The following NRG3 variants were observed in gnomAD, a reference collection of about 807,000 sequenced individuals.
NRG3 encodes the protein neuregulin 3.
A neutral mutation model predicts 66.9 loss-of-function variants in NRG3; 31 were observed. The observed-to-expected ratio is 0.46, with a 90% confidence interval of 0.35 to 0.63. The LOEUF (loss-of-function observed/expected upper bound fraction) is 0.63, where lower values mean the gene tolerates loss of function less well. NRG3 is among the 20% of genes least tolerant of loss of function. The pLI is 0.00. For missense variants in NRG3, 910 were observed against 878.9 expected, an observed-to-expected ratio of 1.04 and a Z score of -0.45; for synonymous variants, 393 against 359.4, an observed-to-expected ratio of 1.09 and a Z score of -1.06.
chr10:81,889,007 A>G (rs1842820054), intron 1 of NRG3, among the ~76,000 whole-genome samples: 3 of 152,188 alleles, frequency 2.0e-5, no homozygotes, highest in South Asian at 2.1e-4. Context: ...GCAAGAAGCA[A>G]TAGAATTGGC....
intron 2 of NRG3, among the ~76,000 whole-genome samples, chr10:82,436,071 A>T (rs2090120724): frequency 6.6e-6 from 1 of 152,110 alleles, no homozygotes; most frequent in South Asian, 2.1e-4. Context: ...TCCAGAGCTG[A>T]GTTCAAGTCA....
At chr10:82,579,295 A>G (rs1039976012) in intron 2 of NRG3, among the ~76,000 whole-genome samples, 1 of 151,938 alleles carries the variant, frequency 6.6e-6, no homozygotes, top group Non-Finnish European at 1.5e-5. Context: ...ATAAATAAAG[A>G]TAATCACCTT....
At chr10:82,278,984 T>C (rs1480031964) in intron 1 of NRG3, among the ~76,000 whole-genome samples, 1 of 152,152 alleles carries the variant, frequency 6.6e-6, no homozygotes, top group Non-Finnish European at 1.5e-5. Context: ...TTTACGATAT[T>C]GCACAGCACA....
chr10:82,959,145 C>G, intron 6 of NRG3, 70 bp downstream of exon 6: 1 of 1,454,432 alleles, frequency 6.9e-7, no homozygotes, highest in African/African-American at 1.4e-5. Flanking sequence ...GTGTTGGGAG[C>G]CTGGGATCAG....
intron 2 of NRG3, among the ~76,000 whole-genome samples, chr10:82,380,350 T>C (rs756697956): frequency 6.6e-6 from 1 of 152,128 alleles, no homozygotes; most frequent in African/African-American, 2.4e-5. Flanking sequence ...ACAAAAAAGG[T>C]AATTAAGTTC....
At chr10:82,176,970 A>G (rs2073086032) in intron 1 of NRG3, among the ~76,000 whole-genome samples, 1 of 151,598 alleles carries the variant, frequency 6.6e-6, no homozygotes, top group Non-Finnish European at 1.5e-5. Flanking sequence ...CCCTAGCTCC[A>G]AGACTCCAAA....
intron 1 of NRG3, among the ~76,000 whole-genome samples, chr10:82,300,041 C>A (rs1388789942): frequency 6.6e-6 from 1 of 152,152 alleles, no homozygotes; most frequent in Admixed American, 6.5e-5. Context: ...CACACACACA[C>A]ACCATGTGTT....
chr10:82,669,516 G>T (rs1205273954), intron 2 of NRG3, among the ~76,000 whole-genome samples: 6 of 152,078 alleles, frequency 3.9e-5, no homozygotes, highest in South Asian at 2.1e-4. Context: ...CCAGCAATTT[G>T]CAGGGTGAGA....
At chr10:82,510,923 G>C (rs1048430956) in intron 2 of NRG3, among the ~76,000 whole-genome samples, 3 of 152,068 alleles carry the variant, frequency 2.0e-5, no homozygotes, top group Non-Finnish European at 4.4e-5. Flanking sequence ...TGAATGCCTG[G>C]CACTTCCAAG....
chr10:82,051,757 G>A (rs907730066), intron 1 of NRG3, among the ~76,000 whole-genome samples: 1 of 151,974 alleles, frequency 6.6e-6, no homozygotes, highest in Non-Finnish European at 1.5e-5. Context: ...ATAATGAGAG[G>A]ACATCATTAT....
intron 2 of NRG3, among the ~76,000 whole-genome samples, chr10:82,723,595 A>G (rs17100613): frequency 3.5e-4 from 54 of 152,326 alleles, no homozygotes; most frequent in African/African-American, 1.2e-3. Flanking sequence ...GGAAAAAAAA[A>G]TAGAATGATA....
chr10:82,759,598 C>T (rs113065556), intron 3 of NRG3, among the ~76,000 whole-genome samples: 4,820 of 152,176 alleles, frequency 0.032, 271 homozygotes, highest in African/African-American at 0.11. Context: ...TGAGATCCTG[C>T]ACATAGAGCT....
intron 3 of NRG3, among the ~76,000 whole-genome samples, chr10:82,806,593 A>G (rs575132104): frequency 3.3e-5 from 5 of 152,322 alleles, no homozygotes; most frequent in African/African-American, 1.2e-4. Flanking sequence ...TCTCTAGAAA[A>G]GGCATTGATT....
chr10:82,359,814 A>G (rs1406002276), intron 2 of NRG3, among the ~76,000 whole-genome samples: 2 of 152,102 alleles, frequency 1.3e-5, no homozygotes, highest in Non-Finnish European at 2.9e-5. Context: ...TTCTATTACT[A>G]TTATAAAACT....
intron 1 of NRG3, among the ~76,000 whole-genome samples, chr10:82,146,233 C>G (rs2070243606): frequency 6.6e-6 from 1 of 152,170 alleles, no homozygotes; most frequent in Non-Finnish European, 1.5e-5. Flanking sequence ...ATTTTCAGAT[C>G]CTACTGAAAT....
At chr10:82,441,554 C>T (rs558477806) in intron 2 of NRG3, among the ~76,000 whole-genome samples, 5 of 152,266 alleles carry the variant, frequency 3.3e-5, no homozygotes, top group African/African-American at 1.2e-4. Flanking sequence ...GAGGCCAATT[C>T]AATGACTGTC....
chr10:81,886,350 A>T (rs1255153131), intron 1 of NRG3, among the ~76,000 whole-genome samples: 1 of 152,140 alleles, frequency 6.6e-6, no homozygotes, highest in Non-Finnish European at 1.5e-5. Flanking sequence ...TAATGCATTT[A>T]AGTATTCTAT....
intron 1 of NRG3, among the ~76,000 whole-genome samples, chr10:82,132,492 G>GATATATATATGATATATATATCAT: frequency 2.7e-5 from 1 of 36,950 alleles, no homozygotes; most frequent in South Asian, 6.5e-4. Flanking sequence ...ATATATATAT[G>GATATATATATGATATATATATCAT]ATATATATAT....
chr10:82,119,137 CTTAT>C (rs1043559757), intron 1 of NRG3, among the ~76,000 whole-genome samples: 6 of 152,068 alleles, frequency 3.9e-5, no homozygotes, highest in Non-Finnish European at 8.8e-5. Flanking sequence ...ACATCAAACA[CTTAT>C]TTTTTGTGGT....
Sources: allele counts gnomAD v4.1 joint callset (sites outside exome capture counted in the v4.1 genomes callset), GRCh38; gene constraint gnomAD v4.1.1; transcripts MANE v1.5; gene names NCBI Gene and HGNC (gene_info 2026-07-23, HGNC 2026-07-21).